ZNF710: variants seen among roughly 807,000 people sequenced by gnomAD.
ZNF710 encodes the protein zinc finger protein 710.
Under a neutral mutation model 50.6 loss-of-function variants are expected in ZNF710, and 13 were observed. The observed-to-expected ratio is 0.26, with a 90% confidence interval of 0.17 to 0.41. The LOEUF is 0.41. Ranked by LOEUF, ZNF710 falls within the 10% of genes least tolerant of loss-of-function variation. The pLI, the probability that ZNF710 is intolerant of heterozygous loss-of-function variation, is 1.00. For synonymous variants in ZNF710, 383 were observed against 397.0 expected (o/e 0.96, Z 0.42); for missense variants, 721 against 936.6 (o/e 0.77, Z 3.01).
chr15:90,021,474 G>A (rs550214329), intron 1 of ZNF710, among the ~76,000 whole-genome samples: 16 of 152,268 alleles, frequency 1.1e-4, no homozygotes, highest in African/African-American at 3.1e-4. Context: ...CCTGCGGACC[G>A]CGGTGCTATG....
chr15:90,063,536 T>C (rs1900076174), intron 1 of ZNF710, among the ~76,000 whole-genome samples: 2 of 152,142 alleles, frequency 1.3e-5, no homozygotes, highest in Admixed American at 1.3e-4. Flanking sequence ...ACAAGGACTC[T>C]GGGTTAGTCC....
Position 90,067,326 on chromosome 15 carries a change from C to T in ZNF710, c.189C>T (p.Gly63=). The change falls in exon 2 of 5, where the codon GGC becomes GGT. Residue 63 remains glycine (G), a synonymous_variant. Coordinates refer to ENST00000268154, the MANE Select transcript of ZNF710 (RefSeq NM_198526.4). The surrounding 1 kb of genome is among the most constrained non-coding windows in gnomAD (Gnocchi z 8.1). ...GAAMGEPEPP[G]PDVYQLACNG... ...CCATGGGAGAGCCCGAGCCACCAGG[C>T]CCCGACGTCTACCAGCTGGCCTGCA... 6.2e-7 allele frequency: 1 copy of T among 1,605,042 alleles called. No individual in the cohort carries two copies. The highest frequency in any genetic ancestry group is 8.5e-7 in the Non-Finnish European group (1 of 1,175,864).
At chr15:90,069,786 C>T (rs1000536961) in intron 2 of ZNF710, among the ~76,000 whole-genome samples, 1 of 152,104 alleles carries the variant, frequency 6.6e-6, no homozygotes, top group African/African-American at 2.4e-5. Context: ...CTACCATGTC[C>T]CTAAACCCAG....
Position 90,067,971 on chromosome 15 carries a change from GC to G in ZNF710, c.835del (p.Gln279ArgfsTer33). 6.2e-7 allele frequency: 1 copy of G among 1,614,154 alleles called. No homozygotes were observed. The highest frequency in any genetic ancestry group is 8.5e-7 in the Non-Finnish European group (1 of 1,180,040). On this transcript the variant is annotated frameshift_variant, in exon 2 of 5. Transcript: ENST00000268154. LOFTEE classifies it high-confidence loss of function. The surrounding 1 kb of genome is among the most constrained non-coding windows in gnomAD (Gnocchi z 8.1). ...AGCTGGATCGGCTGGACATCAACGT[GC>G]AGATTGACGACTCCTATCTGGTGGA... is the stretch of plus-strand genomic sequence containing the variant. The part of the protein sequence containing the change: ...AQLDRLDINV[Q>X]IDDSYLVEAG...
chr15:90,067,018 C>T lies in ZNF710; in HGVS notation c.-28-92C>T. 8 of 1,413,934 alleles carry T rather than the reference C, an allele frequency of 5.7e-6. No individual in the cohort carries two copies. The highest frequency in any genetic ancestry group is 7.5e-6 in the Non-Finnish European group (8 of 1,068,360). 87.6% of individuals were successfully genotyped at this position (1,413,934 alleles called of 1,614,324 possible). A position where few individuals can be genotyped will look rare whatever the true frequency, so the allele number is the denominator to read the frequency against. ...AAAAGACATCAGAGCCAGACACACC[C>T]AAAATCAGCCAAGCCCTTGTCTGTG... On this transcript the variant is annotated intron_variant, in intron 1 of 4. Coordinates refer to ENST00000268154, the MANE Select transcript of ZNF710 (RefSeq NM_198526.4). This position sits in a 1 kb window ranked among gnomAD's most constrained non-coding sequence, Gnocchi z 8.1.
At chr15:90,079,376 C>A (rs1463720691) in intron 4 of ZNF710, among the ~76,000 whole-genome samples, 2 of 152,112 alleles carry the variant, frequency 1.3e-5, no homozygotes, top group Non-Finnish European at 2.9e-5. Context: ...GAAGAATGAC[C>A]CAAAGAAGGC....
At chr15:90,004,248 C>T (rs774387196) in intron 1 of ZNF710, among the ~76,000 whole-genome samples, 43 of 152,160 alleles carry the variant, frequency 2.8e-4, no homozygotes, top group Non-Finnish European at 4.0e-4. Context: ...TTTTGCACTT[C>T]TATTTTAGGT....
chr15:90,078,548 G>A (rs1049434723), intron 4 of ZNF710, among the ~76,000 whole-genome samples: 1 of 152,190 alleles, frequency 6.6e-6, no homozygotes, highest in Non-Finnish European at 1.5e-5. Flanking sequence ...GGAAGGGATG[G>A]GATTACTCTT....
At chr15:90,018,723 C>T (rs1898526115) in intron 1 of ZNF710, among the ~76,000 whole-genome samples, 1 of 152,180 alleles carries the variant, frequency 6.6e-6, no homozygotes, top group Admixed American at 6.6e-5. Flanking sequence ...GGCCCTGGGT[C>T]TTCATGGACG....
chr15:90,030,543 AG>A (rs990085109), intron 1 of ZNF710, among the ~76,000 whole-genome samples: 2 of 151,976 alleles, frequency 1.3e-5, no homozygotes, highest in Admixed American at 1.3e-4. Flanking sequence ...ATCATGTGCC[AG>A]GCCCTGGCCG....
intron 1 of ZNF710, among the ~76,000 whole-genome samples, chr15:90,039,142 G>A (rs1209276748): frequency 6.6e-6 from 1 of 152,144 alleles, no homozygotes; most frequent in Admixed American, 6.5e-5. Context: ...AGCCAGGCGT[G>A]GTGGCAGGCG....
rs1899042218 is a variant in ZNF710, at chr15:90,034,277, A to C, written c.-29+32663A>C. On this transcript the variant is annotated intron_variant, in intron 1 of 4. Transcript: ENST00000268154. This position sits in a 1 kb window ranked among gnomAD's most constrained non-coding sequence, Gnocchi z 4.0. ...CTGGAGGGGTTCTTCTGCCAGATAG[A>C]AACAAGATATCACATGCAAGAGGCT... 6.6e-6 allele frequency among the ~76,000 whole-genome samples: 1 copy of C among 151,896 alleles called. No homozygotes were observed. Among genetic ancestry groups the C allele is most frequent in the Middle Eastern group, 3.2e-3 (1 of 316 alleles).
At chr15:90,012,550 G>T (rs533996121) in intron 1 of ZNF710, among the ~76,000 whole-genome samples, 3 of 152,028 alleles carry the variant, frequency 2.0e-5, no homozygotes, top group Non-Finnish European at 4.4e-5. Flanking sequence ...GATTACAGGC[G>T]TGAGCCTCCA....
chr15:90,074,782 G>A (rs1900535825), intron 4 of ZNF710: 1 of 334,408 alleles, frequency 3.0e-6, no homozygotes, highest in Admixed American at 4.6e-5. Context: ...GAAAGATAAG[G>A]GAGAGCCAGG....
Position 90,079,803 on chromosome 15 carries a change from G to T in ZNF710, c.1969G>T (p.Glu657Ter). 1 of 1,608,068 alleles carries T rather than the reference G, an allele frequency of 6.2e-7. No individual in the cohort carries two copies. Among genetic ancestry groups the T allele is most frequent in the Non-Finnish European group, 8.5e-7 (1 of 1,178,136 alleles). ...ASVLTEQAMK[E>*]MAYYNVL is the part of the protein sequence containing the mutation. The stretch of plus-strand genomic sequence containing the variant: ...TGTCCTCACTGAACAGGCCATGAAA[G>T]AGATGGCCTACTACAATGTGCTATA... The change falls in exon 5 of 5, where the codon GAG becomes TAG. Residue 657 changes from glutamate (E) to a stop codon, truncating the protein, a stop_gained. Coordinates refer to ENST00000268154, the MANE Select transcript of ZNF710 (RefSeq NM_198526.4). LOFTEE classifies it high-confidence loss of function.
rs1198122293 is a variant in ZNF710 at position 90,059,919 on chromosome 15, G to A, written c.-28-7191G>A. ...CTCCTCCCACCTGGTTACCTGTCCC[G>A]CCCACTCCAGCTTCAGCCTCTCCAG... On this transcript the variant is annotated intron_variant, in intron 1 of 4. Coordinates refer to ENST00000268154, the MANE Select transcript of ZNF710 (RefSeq NM_198526.4). The surrounding 1 kb of genome is among the most constrained non-coding windows in gnomAD (Gnocchi z 4.1). Among the ~76,000 whole-genome samples the A allele has an allele frequency of 1.3e-5, 2 of 152,110 alleles. No homozygotes were observed. The highest frequency in any genetic ancestry group is 2.1e-4 in the South Asian group (1 of 4,824).
chr15:90,070,203 G>T (rs1046708850), intron 2 of ZNF710, among the ~76,000 whole-genome samples: 1 of 152,196 alleles, frequency 6.6e-6, no homozygotes, highest in African/African-American at 2.4e-5. Flanking sequence ...GTAATGTCAA[G>T]AAAGAGTCTA....
chr15:90,034,754 G>A lies in ZNF710; in HGVS notation c.-28-32356G>A, dbSNP rs898287609. 3.9e-5 allele frequency among the ~76,000 whole-genome samples: 6 copies of A among 152,178 alleles called. No homozygotes were observed. The highest frequency in any genetic ancestry group is 1.9e-4 in the East Asian group (1 of 5,192). Reference sequence around the variant, plus strand: ...TGTTCTGGCCGTGGGTGGGGCACCCGGCTCCACCTGCCTCAGGTTTTGCCT... The same window carrying A: ...TGTTCTGGCCGTGGGTGGGGCACCCAGCTCCACCTGCCTCAGGTTTTGCCT... On this transcript the variant is annotated intron_variant, in intron 1 of 4. Coordinates refer to ENST00000268154, the MANE Select transcript of ZNF710 (RefSeq NM_198526.4). The surrounding 1 kb of genome is among the most constrained non-coding windows in gnomAD (Gnocchi z 4.0).
At chr15:90,067,000 A>G (rs1260165849) in intron 1 of ZNF710, 110 bp from the exon 2 acceptor site, 26 of 1,245,590 alleles carry the variant, frequency 2.1e-5, no homozygotes, top group Non-Finnish European at 2.7e-5. Flanking sequence ...TAGAAAAGAC[A>G]TCAGAGCCAG....
Sources: allele counts gnomAD v4.1 joint callset (sites outside exome capture counted in the v4.1 genomes callset), GRCh38; gene constraint gnomAD v4.1.1; non-coding constraint Gnocchi (gnomAD v3.1); transcripts MANE v1.5; gene names NCBI Gene and HGNC (gene_info 2026-07-23, HGNC 2026-07-21).